The following SGMS2 variants were observed in gnomAD, a reference collection of about 807,000 sequenced individuals.
The protein encoded by SGMS2 is phosphatidylcholine:ceramide cholinephosphotransferase 2.
In SGMS2, 21 loss-of-function variants were observed where a neutral mutation model predicts 43.8. That is an observed-to-expected ratio of 0.48 (90% CI 0.34 to 0.69). The LOEUF (loss-of-function observed/expected upper bound fraction) is 0.69. SGMS2 is among the 30% of genes least tolerant of loss of function. The pLI, the probability that SGMS2 is intolerant of heterozygous loss-of-function variation, is 0.01. For synonymous variants in SGMS2, 167 were observed against 160.6 expected (o/e 1.04, Z -0.30); for missense variants, 384 against 443.2 (o/e 0.87, Z 1.20).
In SGMS2 at chr4:107,908,615, G is replaced by A; in HGVS notation, c.778G>A (p.Ala260Thr). 1 of 1,614,096 alleles carries A rather than the reference G, an allele frequency of 6.2e-7. No individual in the cohort carries two copies. The highest frequency in any genetic ancestry group is 8.5e-7 in the Non-Finnish European group (1 of 1,179,984). Residue 260 changes from alanine (A) to threonine (T), a missense_variant, in exon 6 of 7, where the codon GCT becomes ACT. By Grantham distance (58) the Ala-to-Thr change is moderately conservative. Transcript: ENST00000690982. The part of the protein sequence containing the change: ...WYHLICWLLS[A>T]AGIICILVAH... ...TCATTTAATCTGCTGGCTGCTGAGTGCTGCCGGGATCATCTGCATTCTTGT... is the reference window on the plus strand; with the variant it reads ...TCATTTAATCTGCTGGCTGCTGAGTACTGCCGGGATCATCTGCATTCTTGT...
chr4:107,890,176 C>A (rs866649812), intron 2 of SGMS2, among the ~76,000 whole-genome samples: 1 of 152,118 alleles, frequency 6.6e-6, no homozygotes, highest in Non-Finnish European at 1.5e-5. Flanking sequence ...CTGAGATGAA[C>A]TTGTCTGTTT....
chr4:107,877,913 C>CTTTTTTTTTTTTTTTTTTTTT (rs774442653), intron 2 of SGMS2, among the ~76,000 whole-genome samples: 4 of 102,176 alleles, frequency 3.9e-5, no homozygotes, highest in East Asian at 2.4e-4. Flanking sequence ...TTTTTCTTTT[C>CTTTTTTTTTTTTTTTTTTTTT]TTTTTTTTTT....
chr4:107,852,268 G>A (rs558502568), intron 1 of SGMS2, among the ~76,000 whole-genome samples: 5 of 151,416 alleles, frequency 3.3e-5, no homozygotes, highest in South Asian at 2.1e-4. Flanking sequence ...TAGTAGAGAC[G>A]GGGTTTCACC....
At chr4:107,837,940 C>T (rs1393732289) in intron 1 of SGMS2, among the ~76,000 whole-genome samples, 1 of 152,012 alleles carries the variant, frequency 6.6e-6, no homozygotes, top group African/African-American at 2.4e-5. Context: ...ATTAGAGTTG[C>T]CCATTAGTCA....
intron 2 of SGMS2, among the ~76,000 whole-genome samples, chr4:107,870,860 A>T (rs1728510585): frequency 6.6e-6 from 1 of 152,196 alleles, no homozygotes; most frequent in Non-Finnish European, 1.5e-5. Context: ...AGCAATTTAA[A>T]GTGATTATTT....
At position 107,912,573 on chromosome 4, in the gene SGMS2, G is replaced by T. The variant is rs1397053810; in HGVS notation, c.*2020G>T. On this transcript the variant is annotated 3_prime_UTR_variant, in exon 7 of 7. Coordinates refer to ENST00000690982, the MANE Select transcript of SGMS2 (RefSeq NM_001375905.1). ...CCTGGATTTTGCTCTCCTAACACTG[G>T]TGTTTTCCTTGAGCCTCTAATTCAA... The T allele has an allele frequency of 6.6e-6, 1 of 152,004 alleles. No homozygotes were observed. The highest frequency in any genetic ancestry group is 6.6e-5 in the Admixed American group (1 of 15,244). 9.4% of individuals were successfully genotyped at this position (152,004 alleles called of 1,614,324 possible).
At chr4:107,902,264 T>TGG (rs966886376) in intron 4 of SGMS2, among the ~76,000 whole-genome samples, 1 of 131,602 alleles carries the variant, frequency 7.6e-6, no homozygotes, top group African/African-American at 3.6e-5. Context: ...CACTCCAGTC[T>TGG]GGGTGAAAGA....
In SGMS2 at chr4:107,880,907, T is replaced by C. The variant is rs1310655971; in HGVS notation, c.-244-14403T>C. ...AAAGAAAAGAAAAAGGTAAGATGTC[T>C]TGGTATTTAGGAAAAACTTTATGGG... On this transcript the variant is annotated intron_variant, in intron 2 of 6. Coordinates refer to ENST00000690982, the MANE Select transcript of SGMS2 (RefSeq NM_001375905.1). Among the ~76,000 whole-genome samples the C allele has an allele frequency of 2.6e-5, 4 of 151,730 alleles. No individual in the cohort carries two copies. In the East Asian group the frequency reaches 7.7e-4, roughly 29 times the overall value.
Position 107,914,170 on chromosome 4 carries a change from G to T in SGMS2, c.*3617G>T, listed in dbSNP as rs1360221616. On this transcript the variant is annotated 3_prime_UTR_variant, in exon 7 of 7. Coordinates refer to ENST00000690982, the MANE Select transcript of SGMS2 (RefSeq NM_001375905.1). Reference sequence around the variant, plus strand: ...TTGCTGAAAATATTTCTTCTATTAAGAAGTGCTCTTGACTTCAACACCCAA... The same window carrying T: ...TTGCTGAAAATATTTCTTCTATTAATAAGTGCTCTTGACTTCAACACCCAA... 1 of 151,874 alleles carries T rather than the reference G, an allele frequency of 6.6e-6. No homozygotes were observed. The highest frequency in any genetic ancestry group is 2.4e-5 in the African/African-American group (1 of 41,364). The allele number at this position is 151,874 out of a possible 1,614,324, so 9.4% of individuals were successfully genotyped here.
At chr4:107,846,165 GGTTA>G (rs1435455960) in intron 1 of SGMS2, among the ~76,000 whole-genome samples, 2 of 151,378 alleles carry the variant, frequency 1.3e-5, no homozygotes, top group Admixed American at 6.6e-5. Context: ...ACAATGTGCA[GGTTA>G]GTTACATATG....
At chr4:107,869,548 A>G (rs1277706044) in intron 2 of SGMS2, among the ~76,000 whole-genome samples, 2 of 152,208 alleles carry the variant, frequency 1.3e-5, no homozygotes, top group Non-Finnish European at 2.9e-5. Context: ...TCAGAAGGAC[A>G]TGCCACCATC....
At chr4:107,847,407 A>G (rs946541696) in intron 1 of SGMS2, among the ~76,000 whole-genome samples, 2 of 152,078 alleles carry the variant, frequency 1.3e-5, no homozygotes, top group Admixed American at 1.3e-4. Context: ...CAGGTTTGTC[A>G]AAGATCAGAT....
intron 2 of SGMS2, among the ~76,000 whole-genome samples, chr4:107,882,657 G>C (rs1729454207): frequency 6.6e-6 from 1 of 152,114 alleles, no homozygotes; most frequent in Admixed American, 6.5e-5. Flanking sequence ...CATAGTACCT[G>C]CCATGTAAGT....
intron 1 of SGMS2, among the ~76,000 whole-genome samples, chr4:107,830,363 T>C (rs751740808): frequency 1.3e-5 from 2 of 152,194 alleles, no homozygotes; most frequent in Non-Finnish European, 2.9e-5. Flanking sequence ...ATCTTTATGG[T>C]AGAATGATTT....
intron 1 of SGMS2, among the ~76,000 whole-genome samples, chr4:107,836,741 G>C (rs1169538819): frequency 2.6e-5 from 4 of 152,124 alleles, no homozygotes; most frequent in Admixed American, 6.6e-5. Flanking sequence ...GGGAAGCAAG[G>C]CCACTGTAAA....
rs970265485 is a variant in SGMS2 at position 107,914,262 on chromosome 4, T to C, written c.*3709T>C. The C allele has an allele frequency of 2.0e-5, 3 of 152,148 alleles. No homozygotes were observed. Among genetic ancestry groups the C allele is most frequent in the Non-Finnish European group, 4.4e-5 (3 of 67,972 alleles). The allele number at this position is 152,148 out of a possible 1,614,324, so 9.4% of individuals were successfully genotyped here. On this transcript the variant is annotated 3_prime_UTR_variant, in exon 7 of 7. Transcript: ENST00000690982. ...ATACAGATACACACCTTATAAGTTC[T>C]GATTTATTTTCTTACTCATTATGCT...
At chr4:107,869,305 TG>T (rs1728375955) in intron 2 of SGMS2, among the ~76,000 whole-genome samples, 1 of 152,104 alleles carries the variant, frequency 6.6e-6, no homozygotes, top group African/African-American at 2.4e-5. Flanking sequence ...GAGAGCCAAG[TG>T]TGTAAGCAAG....
intron 2 of SGMS2, among the ~76,000 whole-genome samples, chr4:107,859,008 T>C (rs1027121604): frequency 8.5e-5 from 13 of 152,208 alleles, no homozygotes; most frequent in Non-Finnish European, 7.3e-5. Context: ...TTTATAGTTA[T>C]CTAAACCAAA....
intron 2 of SGMS2, among the ~76,000 whole-genome samples, chr4:107,880,954 T>C (rs1191934917): frequency 6.6e-6 from 1 of 152,054 alleles, no homozygotes; most frequent in Non-Finnish European, 1.5e-5. Context: ...TTAGCTAAAC[T>C]GAATGCTGTT....
Sources: allele counts gnomAD v4.1 joint callset (sites outside exome capture counted in the v4.1 genomes callset), GRCh38; gene constraint gnomAD v4.1.1; transcripts MANE v1.5; gene names NCBI Gene and HGNC (gene_info 2026-07-23, HGNC 2026-07-21).